The following WWC2 variants were observed in gnomAD, a reference collection of about 807,000 sequenced individuals.
The protein encoded by WWC2 is protein WWC2.
WWC2 carries 101 observed loss-of-function variants against 138.5 expected under a neutral mutation model. The observed-to-expected ratio is 0.73, with a 90% CI of 0.62 to 0.86. The LOEUF (loss-of-function observed/expected upper bound fraction) is 0.86, where lower values mean the gene tolerates loss of function less well. Among genes scored for constraint, WWC2 ranks in the 40% least tolerant of loss-of-function variants. WWC2 has a pLI of 0.00. For missense variants in WWC2, 1,420 were observed against 1,419.4 expected, an observed-to-expected ratio of 1.00 and a Z score of -0.01; for synonymous variants, 558 against 538.4, an observed-to-expected ratio of 1.04 and a Z score of -0.50.
At chr4:183,230,432 T>C (rs1736208061) in intron 4 of WWC2, among the ~76,000 whole-genome samples, 1 of 152,254 alleles carries the variant, frequency 6.6e-6, no homozygotes, top group Non-Finnish European at 1.5e-5. Context: ...ATCCCAGCAC[T>C]TTGGGAGGCC....
rs1737325493 is a variant in WWC2, at chr4:183,261,418, C to G, written c.1795C>G (p.Leu599Val). ...GAGTAGCCATTTTGCAGATATCAGC[C>G]TCATCGAAAATCAGATTTTGCTGGA... ...ELSSHFADIS[L>V]IENQILLDSD... The change falls in exon 11 of 23, where the codon CTC becomes GTC. Residue 599 changes from leucine (L) to valine (V), a missense_variant. Leu to Val is a conservative substitution (Grantham distance 32, BLOSUM62 1). Transcript: ENST00000403733. 6.2e-7 allele frequency: 1 copy of G among 1,612,772 alleles called. No homozygotes were observed.
At chr4:183,270,518 C>G (rs773991617) in intron 15 of WWC2, among the ~76,000 whole-genome samples, 1 of 152,026 alleles carries the variant, frequency 6.6e-6, no homozygotes, top group Non-Finnish European at 1.5e-5. Context: ...AATCCTAGCA[C>G]TTTGGGAGGC....
chr4:183,236,041 G>T (rs1214004795), intron 4 of WWC2, among the ~76,000 whole-genome samples: 1 of 152,158 alleles, frequency 6.6e-6, no homozygotes, highest in African/African-American at 2.4e-5. Flanking sequence ...ATATGAGAGA[G>T]ATAGGGGTCT....
rs190860034 is a variant in WWC2, at chr4:183,248,188, C to G, written c.733-526C>G. On this transcript the variant is annotated intron_variant, in intron 6 of 22. Transcript: ENST00000403733. ...ATGGGCTTGTTCCATGCCTGTGCCA[C>G]TCATTAGCAACTTCTGAGCCTCAGT... Among the ~76,000 whole-genome samples the G allele has an allele frequency of 2.9e-3, 448 of 152,316 alleles. 14 individuals are homozygous for G. Among genetic ancestry groups the G allele is most frequent in the Non-Finnish European group, 6.8e-4 (46 of 68,030 alleles).
chr4:183,202,745 G>A (rs1032932024), intron 2 of WWC2, among the ~76,000 whole-genome samples: 1 of 152,114 alleles, frequency 6.6e-6, no homozygotes, highest in African/African-American at 2.4e-5. Context: ...TTCATCAGCT[G>A]GTTCAAGCCA....
At chr4:183,168,185 T>C (rs1043543980) in intron 1 of WWC2, among the ~76,000 whole-genome samples, 2 of 151,042 alleles carry the variant, frequency 1.3e-5, no homozygotes, top group African/African-American at 4.8e-5. Context: ...TTTCTTTTTT[T>C]TTTTTTTTTA....
chr4:183,243,057 A>G (rs1439654538), intron 5 of WWC2, among the ~76,000 whole-genome samples: 2 of 152,244 alleles, frequency 1.3e-5, no homozygotes, highest in Non-Finnish European at 2.9e-5. Context: ...TCTGTTGAGC[A>G]GTGGATAGCC....
chr4:183,309,231 C>T (rs760955684), intron 21 of WWC2, among the ~76,000 whole-genome samples: 1 of 152,124 alleles, frequency 6.6e-6, no homozygotes, highest in East Asian at 1.9e-4. Context: ...AAAGAAATAC[C>T]TGATAAGCTG....
At chr4:183,310,378 G>T (rs567042936) in intron 21 of WWC2, among the ~76,000 whole-genome samples, 1 of 152,112 alleles carries the variant, frequency 6.6e-6, no homozygotes, top group Admixed American at 6.5e-5. Flanking sequence ...AATAGACTGT[G>T]TTTTTCAGTG....
intron 1 of WWC2, among the ~76,000 whole-genome samples, chr4:183,105,239 CAT>C (rs1453963748): frequency 2.0e-4 from 30 of 152,324 alleles, no homozygotes; most frequent in African/African-American, 6.7e-4. Context: ...GCTTCATCTA[CAT>C]AGTCAGCCAT....
chr4:183,281,154 C>G (rs1580143994), intron 17 of WWC2: 3 of 407,866 alleles, frequency 7.4e-6, no homozygotes, highest in East Asian at 7.8e-5. Flanking sequence ...TTTTCTGAGC[C>G]TTTTTTTTTT....
intron 1 of WWC2, among the ~76,000 whole-genome samples, chr4:183,188,270 G>A (rs1407504673): frequency 6.6e-6 from 1 of 151,930 alleles, no homozygotes; most frequent in Non-Finnish European, 1.5e-5. Flanking sequence ...ACAGAGTCTC[G>A]CTGTGTCGCC....
intron 4 of WWC2, among the ~76,000 whole-genome samples, chr4:183,209,826 G>GTCTGTTCACCAAGTAAATAAAC (rs1735547318): frequency 6.6e-6 from 1 of 152,152 alleles, no homozygotes; most frequent in African/African-American, 2.4e-5. Flanking sequence ...GAATATTGAA[G>GTCTGTTCACCAAGTAAATAAAC]TCTGTTCACC....
chr4:183,303,622 C>A (rs569948395), intron 21 of WWC2, among the ~76,000 whole-genome samples: 1 of 152,074 alleles, frequency 6.6e-6, no homozygotes. Context: ...TCTATTTCAC[C>A]GTTTGTTTAC....
intron 1 of WWC2, among the ~76,000 whole-genome samples, chr4:183,112,356 T>C (rs2152887847): frequency 6.6e-6 from 1 of 152,376 alleles, no homozygotes; most frequent in South Asian, 2.1e-4. Context: ...ACCTGCTTTG[T>C]GTGTGCCCCT....
chr4:183,259,470 C>G (rs1310732067), intron 9 of WWC2, among the ~76,000 whole-genome samples, 169 bp from the exon 10 acceptor site: 1 of 152,184 alleles, frequency 6.6e-6, no homozygotes, highest in Non-Finnish European at 1.5e-5. Context: ...CAGCTTGGCT[C>G]GTGCAGCTCT....
Position 183,261,095 on chromosome 4 carries a change from A to G in WWC2, c.1472A>G (p.Gln491Arg). 1 of 1,614,028 alleles carries G rather than the reference A, an allele frequency of 6.2e-7. No individual in the cohort carries two copies. ...CAGTATAAACTGGACTTCCTTCTGC[A>G]AGAGAAAAGCGGTTACATTCCTTCT... Reference protein sequence around the residue: ...DYQYKLDFLLQEKSGYIPSGP... With the variant: ...DYQYKLDFLLREKSGYIPSGP... The change falls in exon 11 of 23, where the codon CAA becomes CGA. Residue 491 changes from glutamine (Q) to arginine (R), a missense_variant. Physicochemically the swap from Gln to Arg is conservative, Grantham distance 43 (BLOSUM62 1). Transcript: ENST00000403733.
At chr4:183,137,302 C>T (rs1038513061) in intron 1 of WWC2, among the ~76,000 whole-genome samples, 1 of 152,142 alleles carries the variant, frequency 6.6e-6, no homozygotes, top group Admixed American at 6.5e-5. Flanking sequence ...CTAAAACACA[C>T]ACACATTGTA....
chr4:183,141,080 C>G (rs911453391), intron 1 of WWC2, among the ~76,000 whole-genome samples: 2 of 152,188 alleles, frequency 1.3e-5, no homozygotes, highest in Non-Finnish European at 2.9e-5. Context: ...TGAAGGATTT[C>G]AAGGCTGTTA....
Sources: allele counts gnomAD v4.1 joint callset (sites outside exome capture counted in the v4.1 genomes callset), GRCh38; gene constraint gnomAD v4.1.1; transcripts MANE v1.5; gene names NCBI Gene and HGNC (gene_info 2026-07-23, HGNC 2026-07-21).